SUSD1: variants seen among roughly 807,000 people sequenced by gnomAD.
The protein encoded by SUSD1 is sushi domain-containing protein 1.
Under a neutral mutation model 86.9 loss-of-function variants are expected in SUSD1, and 65 were observed. The observed-to-expected ratio is 0.75, with a 90% confidence interval of 0.61 to 0.92. The LOEUF is 0.92. Ranked by LOEUF, SUSD1 falls within the 40% of genes least tolerant of loss-of-function variation. The probability of loss-of-function intolerance (pLI) is 0.00; values close to 1 mark genes in which losing one functional copy is unlikely to be tolerated. For synonymous variants in SUSD1, 346 were observed against 350.0 expected (o/e 0.99, Z 0.13); for missense variants, 850 against 929.7 (o/e 0.91, Z 1.11).
chr9:112,059,279 T>A (rs922030668), intron 13 of SUSD1, among the ~76,000 whole-genome samples: 3 of 152,196 alleles, frequency 2.0e-5, no homozygotes, highest in African/African-American at 4.8e-5. Flanking sequence ...GCCAAGTACA[T>A]CCTCTTTCGC....
intron 10 of SUSD1, among the ~76,000 whole-genome samples, chr9:112,081,627 A>G (rs745882596): frequency 6.6e-6 from 1 of 152,240 alleles, no homozygotes; most frequent in Non-Finnish European, 1.5e-5. Flanking sequence ...AGGGTCCCCA[A>G]ATCATTTAAT....
rs549849093 is a variant in SUSD1 at position 112,041,394 on chromosome 9, G to C, written c.*98C>G. 1.3e-6 allele frequency: 1 copy of C among 776,448 alleles called. No individual in the cohort carries two copies. Among genetic ancestry groups the C allele is most frequent in the East Asian group, 2.4e-5 (1 of 41,134 alleles). The allele number at this position is 776,448 out of a possible 1,614,324, so 48.1% of individuals were successfully genotyped here. On this transcript the variant is annotated 3_prime_UTR_variant, in exon 17 of 17. Coordinates refer to ENST00000374270, the MANE Select transcript of SUSD1 (RefSeq NM_022486.5). ...AAGTTGCAGGCCCACATGCTCCCTG[G>C]ACGGAAGTCACACGGAGCCTCTGTG...
At chr9:112,116,416 C>T (rs1164206968) in intron 6 of SUSD1, among the ~76,000 whole-genome samples, 2 of 152,222 alleles carry the variant, frequency 1.3e-5, no homozygotes, top group Non-Finnish European at 2.9e-5. Flanking sequence ...TCAACATCTA[C>T]ATTAATGCTG....
intron 5 of SUSD1, among the ~76,000 whole-genome samples, chr9:112,140,515 AAAAAAAAAAGAAAAAAG>A (rs1832518550): frequency 7.1e-6 from 1 of 141,350 alleles, no homozygotes; most frequent in Non-Finnish European, 1.5e-5. Context: ...CTCTGTCTCA[AAAAAAAAAAGAAAAAAG>A]AAAAGAAAAG....
chr9:112,144,398 A>G (rs912809570), intron 3 of SUSD1, among the ~76,000 whole-genome samples: 15 of 152,206 alleles, frequency 9.9e-5, no homozygotes, highest in Non-Finnish European at 1.9e-4. Context: ...CAATCACTAT[A>G]AATATATCCA....
intron 8 of SUSD1, among the ~76,000 whole-genome samples, chr9:112,103,920 A>G (rs1313999025): frequency 6.6e-6 from 1 of 152,204 alleles, no homozygotes; most frequent in African/African-American, 2.4e-5. Context: ...CCCATGCTCC[A>G]TCTGGAGCCA....
intron 2 of SUSD1, among the ~76,000 whole-genome samples, chr9:112,154,284 T>A (rs2131808725): frequency 6.7e-6 from 1 of 149,978 alleles, no homozygotes; most frequent in African/African-American, 2.5e-5. Context: ...AGCCCAGTAG[T>A]TCAAGACCAG....
chr9:112,121,954 C>CT (rs1010610127), intron 6 of SUSD1, among the ~76,000 whole-genome samples: 1 of 152,210 alleles, frequency 6.6e-6, no homozygotes, highest in African/African-American at 2.4e-5. Context: ...AGGCTAACAA[C>CT]TTTAGGAAAA....
intron 6 of SUSD1, among the ~76,000 whole-genome samples, chr9:112,116,563 G>C (rs1831334179): frequency 6.6e-6 from 1 of 152,226 alleles, no homozygotes; most frequent in Non-Finnish European, 1.5e-5. Context: ...CAAATGCCAA[G>C]CATCCTGCCA....
At position 112,073,417 on chromosome 9, in the gene SUSD1, G is replaced by A. The variant is rs547722396; in HGVS notation, c.1753+5121C>T. Among the ~76,000 whole-genome samples the A allele has an allele frequency of 2.5e-4, 38 of 152,088 alleles. 1 individual carries two copies. Among genetic ancestry groups the A allele is most frequent in the Admixed American group, 1.1e-3 (17 of 15,272 alleles). The stretch of plus-strand genomic sequence containing the variant: ...ATCACCATGTTGTGTAAGACAAGTG[G>A]TCTGGTTTATCTCCACATTTACGTA... On this transcript the variant is annotated intron_variant, in intron 12 of 16. Coordinates refer to ENST00000374270, the MANE Select transcript of SUSD1 (RefSeq NM_022486.5).
intron 1 of SUSD1, among the ~76,000 whole-genome samples, chr9:112,160,612 T>G (rs1194839970): frequency 6.6e-6 from 1 of 151,952 alleles, no homozygotes; most frequent in African/African-American, 2.4e-5. Context: ...GCCTGTAATC[T>G]CAGCATTTGG....
intron 10 of SUSD1, among the ~76,000 whole-genome samples, chr9:112,093,482 C>T (rs1830282673): frequency 6.6e-6 from 1 of 152,166 alleles, no homozygotes; most frequent in African/African-American, 2.4e-5. Flanking sequence ...CTTACAGACC[C>T]AACTGCCCAT....
chr9:112,152,158 G>A (rs371287605), intron 2 of SUSD1, among the ~76,000 whole-genome samples: 20 of 149,734 alleles, frequency 1.3e-4, no homozygotes, highest in East Asian at 1.2e-3. Context: ...AGCCGAGATC[G>A]CGCCATTGCA....
rs574850604 is a variant in SUSD1 at position 112,068,728 on chromosome 9, C to T, written c.1754-5695G>A. Among the ~76,000 whole-genome samples the T allele has an allele frequency of 1.5e-3, 233 of 151,636 alleles. 6 individuals carry two copies. In the South Asian group the frequency reaches 0.043, roughly 28 times the overall value. Reference sequence around the variant, plus strand: ...AAAAAAAAAAAAAAATATTTTTAGCCGTTCTGCACTTCAAAAATACAACTT... The same window carrying T: ...AAAAAAAAAAAAAAATATTTTTAGCTGTTCTGCACTTCAAAAATACAACTT... On this transcript the variant is annotated intron_variant, in intron 12 of 16. Coordinates refer to ENST00000374270, the MANE Select transcript of SUSD1 (RefSeq NM_022486.5).
At chr9:112,084,061 A>G (rs1829875205) in intron 10 of SUSD1, among the ~76,000 whole-genome samples, 2 of 152,222 alleles carry the variant, frequency 1.3e-5, no homozygotes, top group Non-Finnish European at 1.5e-5. Flanking sequence ...TGATGCATAG[A>G]TGGACAATGA....
chr9:112,172,104 G>A (rs368199288), intron 1 of SUSD1, among the ~76,000 whole-genome samples: 2 of 151,950 alleles, frequency 1.3e-5, no homozygotes, highest in South Asian at 4.2e-4. Flanking sequence ...GCTGAGGTAG[G>A]AGGATTTCTT....
At chr9:112,064,957 C>T (rs991015405) in intron 12 of SUSD1, among the ~76,000 whole-genome samples, 3 of 151,814 alleles carry the variant, frequency 2.0e-5, no homozygotes, top group Admixed American at 6.6e-5. Flanking sequence ...CCCTTTCTAA[C>T]GCTTATGTAT....
Position 112,142,315 on chromosome 9 carries a change from C to T in SUSD1, c.706+5G>A, listed in dbSNP as rs1444831151. The T allele has an allele frequency of 3.3e-6, 5 of 1,538,110 alleles. No homozygotes were observed. Among genetic ancestry groups the T allele is most frequent in the Non-Finnish European group, 4.4e-6 (5 of 1,144,526 alleles). ...ATTGGGAACCTGTATTTTTTGAAAACTCACCTTGGCAATGTAATTTTGGGG... is the reference window on the plus strand; with the variant it reads ...ATTGGGAACCTGTATTTTTTGAAAATTCACCTTGGCAATGTAATTTTGGGG... On this transcript the variant is annotated splice_donor_5th_base_variant and intron_variant, in intron 5 of 16. Transcript: ENST00000374270.
At chr9:112,128,155 C>T (rs185434799) in intron 5 of SUSD1, among the ~76,000 whole-genome samples, 11 of 152,190 alleles carry the variant, frequency 7.2e-5, no homozygotes, top group South Asian at 2.1e-4. Context: ...TGCAGTGGCA[C>T]GATCTCAGCT....
Sources: gnomAD v4.1 joint callset for allele counts (sites outside exome capture counted in the v4.1 genomes callset) on GRCh38, gnomAD v4.1.1 for gene constraint, MANE v1.5 for transcripts, NCBI Gene and HGNC (gene_info 2026-07-23, HGNC 2026-07-21) for gene names.